TENM3: variants seen among roughly 807,000 people sequenced by gnomAD.
The protein encoded by TENM3 is teneurin transmembrane protein 3.
In TENM3, 63 loss-of-function variants were observed where a neutral mutation model predicts 255.1. The observed-to-expected ratio is 0.25, with a 90% CI of 0.20 to 0.30. The LOEUF is 0.30. Ranked by LOEUF, TENM3 falls within the 10% of genes least tolerant of loss-of-function variation. The pLI is 1.00. For missense variants in TENM3, 2,929 were observed against 3,461.1 expected (o/e 0.85, Z 3.86); for synonymous variants, 1,306 against 1,322.3 (o/e 0.99, Z 0.27).
chr4:182,232,101 G>A (rs1756619314), intron 1 of TENM3, among the ~76,000 whole-genome samples: 1 of 152,120 alleles, frequency 6.6e-6, no homozygotes. Flanking sequence ...ATCTTGTTTT[G>A]AGGTCTTTGG....
chr4:181,551,872 GTGTGTGTGTGTGTGTGTA>G, the TENM3 span, among the ~76,000 whole-genome samples: 2,606 of 63,464 alleles, frequency 0.041, 89 homozygotes, highest in African/African-American at 0.12. Flanking sequence ...GTGTGTGTGT[GTGTGTGTGTGTGTGTGTA>G]TATAAATTTT....
At chr4:181,961,539 C>A in the TENM3 span, among the ~76,000 whole-genome samples, 1 of 152,202 alleles carries the variant, frequency 6.6e-6, no homozygotes, top group East Asian at 1.9e-4. Flanking sequence ...CCTGCCTCAG[C>A]CTCCCGAGTA....
intron 12 of TENM3, 53 bp from the exon 13 acceptor site, chr4:182,714,034 G>A (rs979025955): frequency 5.9e-6 from 9 of 1,535,306 alleles, no homozygotes; most frequent in Non-Finnish European, 8.1e-6. Flanking sequence ...TTTATTTTAG[G>A]TGCAAAAACT....
chr4:182,667,967 A>AT (rs1754861148), intron 6 of TENM3, among the ~76,000 whole-genome samples: 1 of 146,226 alleles, frequency 6.8e-6, no homozygotes, highest in Non-Finnish European at 1.5e-5. Context: ...AAATACATTA[A>AT]TTAATTAATT....
chr4:182,702,797 G>T (rs1262086100), intron 12 of TENM3, among the ~76,000 whole-genome samples: 2 of 151,758 alleles, frequency 1.3e-5, no homozygotes, highest in Non-Finnish European at 2.9e-5. Flanking sequence ...GAGTGCAGTG[G>T]TGCGATCTCG....
intron 7 of TENM3, among the ~76,000 whole-genome samples, chr4:182,677,928 A>T (rs1367652587): frequency 6.6e-6 from 1 of 152,120 alleles, no homozygotes; most frequent in African/African-American, 2.4e-5. Flanking sequence ...GTTTGATTGG[A>T]TTAAGAGATT....
intron 1 of TENM3, among the ~76,000 whole-genome samples, chr4:182,193,346 G>C (rs368867867): frequency 6.6e-6 from 1 of 152,080 alleles, no homozygotes; most frequent in African/African-American, 2.4e-5. Context: ...ATTAAAGCTC[G>C]GAAACCTTTG....
chr4:181,829,539 C>T, the TENM3 span, among the ~76,000 whole-genome samples: 3 of 152,154 alleles, frequency 2.0e-5, no homozygotes, highest in Non-Finnish European at 2.9e-5. Flanking sequence ...TTTAGGAGAA[C>T]GAACTCACTC....
chr4:181,512,555 GTTCAC>G, the TENM3 span, among the ~76,000 whole-genome samples: 1 of 152,086 alleles, frequency 6.6e-6, no homozygotes, highest in South Asian at 2.1e-4. Flanking sequence ...TAATACAAAA[GTTCAC>G]TTCTTTTTGG....
the TENM3 span, among the ~76,000 whole-genome samples, chr4:182,095,283 C>T: frequency 6.6e-6 from 1 of 152,164 alleles, no homozygotes. Flanking sequence ...CCTAAGTACC[C>T]ATCAACAGAT....
chr4:182,356,965 G>C (rs945590854), intron 3 of TENM3, among the ~76,000 whole-genome samples: 5 of 149,810 alleles, frequency 3.3e-5, no homozygotes, highest in Admixed American at 6.8e-5. Context: ...AGAATATGCG[G>C]TGTTTGGTTT....
intron 3 of TENM3, among the ~76,000 whole-genome samples, chr4:182,593,417 G>A (rs753494125): frequency 1.8e-4 from 27 of 151,904 alleles, no homozygotes; most frequent in African/African-American, 5.6e-4. Context: ...TTCTTCTTCC[G>A]TCCCTCCATC....
chr4:182,489,100 G>A (rs548548714), intron 3 of TENM3, among the ~76,000 whole-genome samples: 2 of 152,250 alleles, frequency 1.3e-5, no homozygotes, highest in South Asian at 2.1e-4. Flanking sequence ...TGGCAGTCTT[G>A]ACAGGTTTTT....
the TENM3 span, among the ~76,000 whole-genome samples, chr4:181,647,938 G>A: frequency 1.3e-5 from 2 of 152,132 alleles, no homozygotes; most frequent in African/African-American, 4.8e-5. Context: ...TTGAGAACAG[G>A]ATTCCACACT....
At chr4:181,796,408 G>T in the TENM3 span, among the ~76,000 whole-genome samples, 240 of 152,344 alleles carry the variant, frequency 1.6e-3, no homozygotes, top group African/African-American at 5.7e-3. Context: ...GTTACTTTCA[G>T]CTGGGAGTTC....
chr4:181,480,585 C>A, the TENM3 span, among the ~76,000 whole-genome samples: 6 of 151,578 alleles, frequency 4.0e-5, no homozygotes, highest in African/African-American at 1.5e-4. Flanking sequence ...TTTCTTTCTG[C>A]CAAAATTAAC....
chr4:182,744,717 A>G (rs1487771711), intron 19 of TENM3, among the ~76,000 whole-genome samples: 2 of 152,212 alleles, frequency 1.3e-5, no homozygotes, highest in East Asian at 3.8e-4. Flanking sequence ...CTCTTTGCCT[A>G]TAGTTTATAT....
At chr4:182,468,847 T>C (rs1580659507) in intron 3 of TENM3, among the ~76,000 whole-genome samples, 1 of 94,020 alleles carries the variant, frequency 1.1e-5, no homozygotes, top group Non-Finnish European at 2.7e-5. Context: ...TGTGTGTGTG[T>C]GTGTGTGTGT....
intron 3 of TENM3, among the ~76,000 whole-genome samples, chr4:182,418,248 T>C (rs1580471182): frequency 6.6e-6 from 1 of 152,210 alleles, no homozygotes; most frequent in Non-Finnish European, 1.5e-5. Context: ...CTAAGCAGTT[T>C]CTTTGAGGTG....
Sources: allele counts gnomAD v4.1 joint callset (sites outside exome capture counted in the v4.1 genomes callset), GRCh38; gene constraint gnomAD v4.1.1; transcripts MANE v1.5; gene names NCBI Gene and HGNC (gene_info 2026-07-23, HGNC 2026-07-21).